Variants in DGKG observed in about 807,000 individuals in gnomAD.
DGKG encodes diacylglycerol kinase gamma, also known as DAG kinase gamma.
In DGKG, 78 loss-of-function variants were observed where a neutral mutation model predicts 105.3. The observed-to-expected ratio is 0.74, with a 90% CI of 0.62 to 0.89. The LOEUF (loss-of-function observed/expected upper bound fraction) is 0.89, where lower values mean the gene tolerates loss of function less well. Among genes scored for constraint, DGKG ranks in the 40% least tolerant of loss-of-function variants. The probability of loss-of-function intolerance (pLI) is 0.00; values close to 1 mark genes in which losing one functional copy is unlikely to be tolerated. For missense variants in DGKG, 958 were observed against 1,020.1 expected (o/e 0.94, Z 0.83); for synonymous variants, 346 against 367.1 (o/e 0.94, Z 0.66).
intron 23 of DGKG, among the ~76,000 whole-genome samples, chr3:186,163,790 T>C (rs533663371): frequency 6.6e-6 from 1 of 152,206 alleles, no homozygotes; most frequent in South Asian, 2.1e-4. Flanking sequence ...CTCTGTGGTC[T>C]TCATAAGTTA....
At chr3:186,320,294 C>T in intron 2 of DGKG, 99 bp downstream of exon 2, 1 of 1,432,222 alleles carries the variant, frequency 7.0e-7, no homozygotes. Flanking sequence ...TGACATCATT[C>T]TTTGTGGCTT....
intron 1 of DGKG, among the ~76,000 whole-genome samples, chr3:186,338,095 A>G (rs921821342): frequency 6.6e-5 from 10 of 150,922 alleles, no homozygotes; most frequent in African/African-American, 2.2e-4. Context: ...CCTTGAGCCC[A>G]GGAGACAGAG....
intron 21 of DGKG, among the ~76,000 whole-genome samples, chr3:186,190,843 A>G (rs551964548): frequency 4.6e-5 from 7 of 152,238 alleles, no homozygotes; most frequent in Non-Finnish European, 7.3e-5. Context: ...ATAAAAGGAA[A>G]AAACAGTGAC....
intron 20 of DGKG, among the ~76,000 whole-genome samples, chr3:186,220,289 A>T (rs889166048): frequency 1.3e-5 from 2 of 152,210 alleles, no homozygotes; most frequent in Non-Finnish European, 2.9e-5. Flanking sequence ...GCACTATTCC[A>T]TAGTAAAAGG....
At chr3:186,165,140 C>G in intron 22 of DGKG, 122 bp from the exon 23 acceptor site, 1 of 1,024,160 alleles carries the variant, frequency 9.8e-7, no homozygotes, top group Non-Finnish European at 1.4e-6. Flanking sequence ...CACCAAACAC[C>G]TTTTTCATAT....
intron 21 of DGKG, among the ~76,000 whole-genome samples, chr3:186,207,038 C>T (rs1197319200): frequency 6.6e-6 from 1 of 151,938 alleles, no homozygotes; most frequent in Non-Finnish European, 1.5e-5. Context: ...CATGAGCCAC[C>T]GCACCCAGCT....
chr3:186,330,827 CG>C (rs1725565903), intron 1 of DGKG, among the ~76,000 whole-genome samples: 1 of 152,328 alleles, frequency 6.6e-6, no homozygotes, highest in East Asian at 1.9e-4. Flanking sequence ...AACCCATCCC[CG>C]CTCAGCCTGG....
chr3:186,268,585 C>T (rs1003081957), intron 12 of DGKG, among the ~76,000 whole-genome samples: 7 of 152,354 alleles, frequency 4.6e-5, no homozygotes, highest in Admixed American at 1.3e-4. Context: ...CAGCAGTCCT[C>T]ACTCCCCTGG....
intron 5 of DGKG, among the ~76,000 whole-genome samples, chr3:186,290,090 G>A (rs1379197268): frequency 6.6e-6 from 1 of 152,172 alleles, no homozygotes; most frequent in Admixed American, 6.5e-5. Flanking sequence ...AGGAAACGTG[G>A]CTGCAAAGTA....
At chr3:186,240,495 T>C (rs569312593) in intron 20 of DGKG, among the ~76,000 whole-genome samples, 274 of 152,300 alleles carry the variant, frequency 1.8e-3, no homozygotes, top group African/African-American at 6.3e-3. Context: ...ATATGGCACA[T>C]GTGCATGAGT....
At chr3:186,157,356 A>T (rs894394879) in intron 24 of DGKG, among the ~76,000 whole-genome samples, 1 of 152,106 alleles carries the variant, frequency 6.6e-6, no homozygotes, top group Non-Finnish European at 1.5e-5. Context: ...ACATTGTTCA[A>T]TTCTACCTAC....
chr3:186,338,821 C>T (rs1725954129), intron 1 of DGKG, among the ~76,000 whole-genome samples: 1 of 152,124 alleles, frequency 6.6e-6, no homozygotes, highest in African/African-American at 2.4e-5. Context: ...GCTTACGGAA[C>T]ATTGACTTGA....
intron 4 of DGKG, 150 bp downstream of exon 4, chr3:186,297,914 A>T (rs1723666746): frequency 6.0e-6 from 5 of 834,690 alleles, no homozygotes; most frequent in Non-Finnish European, 9.1e-6. Context: ...GTAAGGCACT[A>T]TGAGGAAAGG....
At chr3:186,239,667 C>A (rs966629630) in intron 20 of DGKG, among the ~76,000 whole-genome samples, 1 of 152,178 alleles carries the variant, frequency 6.6e-6, no homozygotes, top group African/African-American at 2.4e-5. Context: ...ATAGGTGCTA[C>A]CTCAGCCCTT....
chr3:186,330,533 G>C (rs759211092), intron 1 of DGKG, among the ~76,000 whole-genome samples: 8 of 152,200 alleles, frequency 5.3e-5, no homozygotes, highest in African/African-American at 7.2e-5. Flanking sequence ...CCACTTCTGA[G>C]TTCCTAAGGG....
chr3:186,211,887 T>C lies in DGKG; in HGVS notation c.1827-2A>G. The C allele has an allele frequency of 6.2e-7, 1 of 1,612,864 alleles. No individual in the cohort carries two copies. On this transcript the variant is annotated splice_acceptor_variant, in intron 20 of 24. Transcript: ENST00000265022. LOFTEE classifies it high-confidence loss of function. Reference sequence around the variant, plus strand: ...AAGTACCACAGCTTGTTCTTCATCCTGGACCACAAAGCAGAGAGATGTCTC... The same window carrying C: ...AAGTACCACAGCTTGTTCTTCATCCCGGACCACAAAGCAGAGAGATGTCTC...
intron 20 of DGKG, 54 bp from the exon 21 acceptor site, chr3:186,211,939 T>A: frequency 1.4e-6 from 2 of 1,409,876 alleles, no homozygotes; most frequent in Non-Finnish European, 2.0e-6. Context: ...AATGCTCATG[T>A]AAAATAGCTA....
chr3:186,222,318 C>G (rs1260335116), intron 20 of DGKG, among the ~76,000 whole-genome samples: 1 of 152,186 alleles, frequency 6.6e-6, no homozygotes, highest in East Asian at 1.9e-4. Flanking sequence ...CCCACAAGAG[C>G]CAATTAACCC....
In DGKG at chr3:186,148,092, C is replaced by T. The variant is rs983753757; in HGVS notation, c.*1998G>A. 51 of 985,278 alleles carry T rather than the reference C, an allele frequency of 5.2e-5. No individual in the cohort carries two copies. Among genetic ancestry groups the T allele is most frequent in the African/African-American group, 2.4e-4 (14 of 57,210 alleles). The allele number at this position is 985,278 out of a possible 1,614,324, so 61.0% of individuals were successfully genotyped here. ...CAAGATTAGAGGCAGCTCAGTGGAA[C>T]GATATCAAGTGGGTCCAAGTTTCCA... On this transcript the variant is annotated 3_prime_UTR_variant, in exon 25 of 25. Coordinates refer to ENST00000265022, the MANE Select transcript of DGKG (RefSeq NM_001346.3).
Sources: gnomAD v4.1 joint callset for allele counts (sites outside exome capture counted in the v4.1 genomes callset) on GRCh38, gnomAD v4.1.1 for gene constraint, MANE v1.5 for transcripts, NCBI Gene and HGNC (gene_info 2026-07-23, HGNC 2026-07-21) for gene names.